PAM: variants seen among roughly 807,000 people sequenced by gnomAD.
PAM encodes peptidylglycine alpha-amidating monooxygenase, also known as peptidyl-glycine alpha-amidating monooxygenase.
A neutral mutation model predicts 122.1 loss-of-function variants in PAM; 72 were observed. The ratio of observed to expected loss-of-function variants is 0.59; its 90% CI spans 0.49 to 0.72. PAM has a LOEUF of 0.72. Among genes scored for constraint, PAM ranks in the 30% least tolerant of loss-of-function variants. PAM has a pLI of 0.00. For synonymous variants in PAM, 389 were observed against 404.4 expected, an observed-to-expected ratio of 0.96 and a Z score of 0.46; for missense variants, 1,106 against 1,183.7, an observed-to-expected ratio of 0.93 and a Z score of 0.96.
chr5:102,929,869 CT>C (rs55739271), intron 7 of PAM, among the ~76,000 whole-genome samples: 141 of 146,964 alleles, frequency 9.6e-4, no homozygotes, highest in East Asian at 1.6e-3. Flanking sequence ...TTTTGCGATT[CT>C]TTTTTTTTTT....
intron 15 of PAM, among the ~76,000 whole-genome samples, chr5:102,985,093 G>T (rs1771312001): frequency 6.6e-6 from 1 of 152,060 alleles, no homozygotes; most frequent in South Asian, 2.1e-4. Flanking sequence ...AGTGCTAAGA[G>T]GGGAGTTTGT....
intron 4 of PAM, among the ~76,000 whole-genome samples, chr5:102,903,078 G>A (rs7703464): frequency 0.016 from 2,455 of 151,676 alleles, 63 homozygotes; most frequent in African/African-American, 0.056. Context: ...GAACCAGAGT[G>A]CTAAATGTTT....
intron 23 of PAM, among the ~76,000 whole-genome samples, chr5:103,020,696 AT>A (rs1172530532): frequency 5.9e-5 from 9 of 152,154 alleles, no homozygotes; most frequent in Non-Finnish European, 1.3e-4. Flanking sequence ...TGCTTTACAA[AT>A]GATTCACCTA....
chr5:102,946,480 C>CCA (rs1412693851), intron 7 of PAM, among the ~76,000 whole-genome samples: 1 of 150,866 alleles, frequency 6.6e-6, no homozygotes, highest in Non-Finnish European at 1.5e-5. Flanking sequence ...ATGGAGCAAA[C>CCA]TATTTTAGTT....
At chr5:102,840,777 G>T (rs1356700270) in intron 1 of PAM, among the ~76,000 whole-genome samples, 1 of 152,132 alleles carries the variant, frequency 6.6e-6, no homozygotes, top group African/African-American at 2.4e-5. Context: ...TAGCCAGCAG[G>T]GTAGAGGAAG....
intron 21 of PAM, among the ~76,000 whole-genome samples, chr5:103,016,354 T>G (rs1014520795): frequency 6.6e-6 from 1 of 152,218 alleles, no homozygotes; most frequent in Non-Finnish European, 1.5e-5. Context: ...GTTAGGCAGA[T>G]GCTGGCTGAT....
intron 1 of PAM, among the ~76,000 whole-genome samples, chr5:102,824,591 G>C (rs1773029181): frequency 1.3e-5 from 2 of 152,148 alleles, no homozygotes; most frequent in Non-Finnish European, 2.9e-5. Flanking sequence ...TGTGATAGCT[G>C]CATCTGGTTA....
chr5:102,990,425 A>G lies in PAM; in HGVS notation c.1613+24A>G, dbSNP rs1279094224. 5 of 1,541,478 alleles carry G rather than the reference A, an allele frequency of 3.2e-6. No individual in the cohort carries two copies. In the South Asian group the frequency reaches 6.0e-5, roughly 18 times the overall value. On this transcript the variant is annotated intron_variant, in intron 16 of 25. Transcript: ENST00000438793. ...AAGTAAGTAATATTTTTTCTTCAAT[A>G]AGCAAATGAAAATAAAAATAGTGTA...
chr5:102,842,150 G>T (rs35341786), intron 1 of PAM, among the ~76,000 whole-genome samples: 1 of 149,724 alleles, frequency 6.7e-6, no homozygotes, highest in Admixed American at 6.7e-5. Flanking sequence ...AAAGGAAAAC[G>T]CATAGAACAC....
chr5:102,986,263 C>T (rs1428462473), intron 15 of PAM, among the ~76,000 whole-genome samples: 1 of 152,088 alleles, frequency 6.6e-6, no homozygotes, highest in Non-Finnish European at 1.5e-5. Context: ...AAATAAAAGG[C>T]ACCCAAATCA....
chr5:102,998,937 A>T (rs1776543556), intron 16 of PAM, among the ~76,000 whole-genome samples: 1 of 152,208 alleles, frequency 6.6e-6, no homozygotes, highest in South Asian at 2.1e-4. Context: ...TAATTTATAA[A>T]GGAAAGAGGT....
At chr5:102,939,233 A>G (rs1450435410) in intron 7 of PAM, among the ~76,000 whole-genome samples, 1 of 152,090 alleles carries the variant, frequency 6.6e-6, no homozygotes, top group African/African-American at 2.4e-5. Context: ...TATTCTTTTC[A>G]TCCAGTTTGG....
intron 1 of PAM, among the ~76,000 whole-genome samples, chr5:102,779,918 T>TATATATATATATGCACACACAC (rs147065045): frequency 1.0e-5 from 1 of 95,704 alleles, no homozygotes; most frequent in African/African-American, 4.5e-5. Context: ...TATATATATA[T>TATATATATATATGCACACACAC]ACACACATAT....
chr5:103,009,201 CT>C (rs1050538449), intron 20 of PAM, among the ~76,000 whole-genome samples: 50 of 152,064 alleles, frequency 3.3e-4, no homozygotes, highest in African/African-American at 1.2e-3. Flanking sequence ...AAAAGATGGT[CT>C]TTTTTAATTA....
intron 4 of PAM, 34 bp from the exon 5 acceptor site, chr5:102,913,900 G>A (rs766535229): frequency 2.5e-6 from 3 of 1,187,428 alleles, no homozygotes; most frequent in East Asian, 2.3e-5. Context: ...AGTGTAACTT[G>A]TATTCACATA....
rs552539917 is a variant in PAM at position 102,792,215 on chromosome 5, T to C, written c.-374+36867T>C. On this transcript the variant is annotated intron_variant, in intron 1 of 25. Coordinates refer to ENST00000438793, the MANE Select transcript of PAM (RefSeq NM_001177306.2). ...GAAGCTTAACATTAATGTGTGTGTA[T>C]ATGTGGGTTTGTGTATATGCTGGAG... Among the ~76,000 whole-genome samples the C allele has an allele frequency of 2.1e-3, 321 of 152,292 alleles. 1 individual carries two copies. Among genetic ancestry groups the C allele is most frequent in the African/African-American group, 7.5e-3 (311 of 41,562 alleles).
chr5:102,883,652 C>T (rs908819962), intron 3 of PAM, among the ~76,000 whole-genome samples: 1 of 151,948 alleles, frequency 6.6e-6, no homozygotes, highest in African/African-American at 2.4e-5. Flanking sequence ...ATCATTTCAT[C>T]AGCAAACAGT....
At chr5:102,919,735 C>T (rs995032330) in intron 5 of PAM, among the ~76,000 whole-genome samples, 6 of 152,168 alleles carry the variant, frequency 3.9e-5, no homozygotes, top group Middle Eastern at 3.4e-3. Flanking sequence ...CCTATCATAT[C>T]GCATATTGGG....
At chr5:102,971,525 G>C (rs568938908) in intron 14 of PAM, among the ~76,000 whole-genome samples, 1 of 152,176 alleles carries the variant, frequency 6.6e-6, no homozygotes, top group African/African-American at 2.4e-5. Context: ...GTCAAGAAAG[G>C]CTTTTTTGAT....
Sources: allele counts gnomAD v4.1 joint callset (sites outside exome capture counted in the v4.1 genomes callset), GRCh38; gene constraint gnomAD v4.1.1; transcripts MANE v1.5; gene names NCBI Gene and HGNC (gene_info 2026-07-23, HGNC 2026-07-21).